The following FAM20A variants were observed in gnomAD, a reference collection of about 807,000 sequenced individuals.
FAM20A encodes the protein pseudokinase FAM20A.
In FAM20A, 42 loss-of-function variants were observed where a neutral mutation model predicts 52.0. That is an observed-to-expected ratio of 0.81 (90% CI 0.63 to 1.04). The LOEUF (loss-of-function observed/expected upper bound fraction) is 1.04, where lower values mean the gene tolerates loss of function less well. Ranked by LOEUF, FAM20A falls within the 50% of genes least tolerant of loss-of-function variation. The pLI is 0.00. For synonymous variants in FAM20A, 304 were observed against 298.9 expected (o/e 1.02, Z -0.18); for missense variants, 742 against 712.7 (o/e 1.04, Z -0.47).
At chr17:68,575,636 T>C (rs1187848410) in intron 1 of FAM20A, among the ~76,000 whole-genome samples, 29 of 111,650 alleles carry the variant, frequency 2.6e-4, no homozygotes, top group African/African-American at 9.9e-4. Flanking sequence ...AAATATAATA[T>C]AGAATATTAT....
intron 1 of FAM20A, chr17:68,557,602 C>T (rs976533776): frequency 6.6e-6 from 1 of 152,182 alleles, no homozygotes; most frequent in Non-Finnish European, 1.5e-5. Context: ...GTGAGAAATA[C>T]ATTTCTGTTG....
At chr17:68,573,163 G>A (rs1255397524) in intron 1 of FAM20A, among the ~76,000 whole-genome samples, 1 of 152,194 alleles carries the variant, frequency 6.6e-6, no homozygotes, top group East Asian at 1.9e-4. Context: ...ATCTAGAAAG[G>A]GGAAAGGGTG....
intron 1 of FAM20A, among the ~76,000 whole-genome samples, chr17:68,595,675 A>G (rs1379506551): frequency 6.6e-6 from 1 of 152,188 alleles, no homozygotes; most frequent in Non-Finnish European, 1.5e-5. Flanking sequence ...ACAAGGGGCC[A>G]AGGCCCTGTT....
rs2086119349 is a variant in FAM20A at position 68,537,211 on chromosome 17, A to G, written c.*266T>C. ...AGCCTGACCTATACCCAGATTTCCCAGTGCACTCAGGAGATCGTCGGTGGC... is the reference window on the plus strand; with the variant it reads ...AGCCTGACCTATACCCAGATTTCCCGGTGCACTCAGGAGATCGTCGGTGGC... On this transcript the variant is annotated 3_prime_UTR_variant, in exon 11 of 11. Coordinates refer to ENST00000592554, the MANE Select transcript of FAM20A (RefSeq NM_017565.4). The surrounding 1 kb of genome is among the most constrained non-coding windows in gnomAD (Gnocchi z 4.2). The G allele has an allele frequency of 1.6e-6, 1 of 621,794 alleles. No homozygotes were observed. Among genetic ancestry groups the G allele is most frequent in the Middle Eastern group, 4.2e-4 (1 of 2,356 alleles). The allele number at this position is 621,794 out of a possible 1,614,324, so 38.5% of individuals were successfully genotyped here. A position where few individuals can be genotyped will look rare whatever the true frequency, so the allele number is the denominator to read the frequency against.
At chr17:68,568,646 C>T (rs1394278661) in intron 1 of FAM20A, among the ~76,000 whole-genome samples, 1 of 151,680 alleles carries the variant, frequency 6.6e-6, no homozygotes, top group Non-Finnish European at 1.5e-5. Flanking sequence ...TTTCTCTTAG[C>T]TTATGGTGGT....
chr17:68,600,352 C>T lies in FAM20A; in HGVS notation c.315G>A (p.Glu105=), dbSNP rs751016523. 6.2e-7 allele frequency: 1 copy of T among 1,600,352 alleles called. No homozygotes were observed. Among genetic ancestry groups the T allele is most frequent in the Non-Finnish European group, 8.5e-7 (1 of 1,174,554 alleles). Residue 105 remains glutamate (E), a synonymous_variant, in exon 1 of 11, where the codon GAG becomes GAA. Coordinates refer to ENST00000592554, the MANE Select transcript of FAM20A (RefSeq NM_017565.4). The surrounding 1 kb of genome is among the most constrained non-coding windows in gnomAD (Gnocchi z 6.2). ...LFAHPLYNVP[E]EPPLLGAEDS... ...CCTCGGCTCCCAGGAGAGGCGGCTC[C>T]TCCGGGACGTTGTACAGCGGGTGGG...
rs970250679 is a variant in FAM20A, at chr17:68,541,116, C to T, written c.1110-158G>A. 2.1e-4 allele frequency: 214 copies of T among 1,034,566 alleles called. 1 individual carries two copies. Among genetic ancestry groups the T allele is most frequent in the Non-Finnish European group, 1.8e-4 (131 of 717,948 alleles). The allele number at this position is 1,034,566 out of a possible 1,614,324, so 64.1% of individuals were successfully genotyped here. A position where few individuals can be genotyped will look rare whatever the true frequency, so the allele number is the denominator to read the frequency against. On this transcript the variant is annotated intron_variant, in intron 7 of 10. Coordinates refer to ENST00000592554, the MANE Select transcript of FAM20A (RefSeq NM_017565.4). ...TTCAGAAAGGCCCTGGGCAAGGACG[C>T]GTAAGGCTGCATATTCCGTGTGGTG...
chr17:68,544,217 G>A (rs557963021), intron 4 of FAM20A, among the ~76,000 whole-genome samples: 2 of 147,810 alleles, frequency 1.4e-5, no homozygotes, highest in African/African-American at 2.5e-5. Context: ...CTGGGTCTTA[G>A]GGGGATGTGG....
intron 1 of FAM20A, among the ~76,000 whole-genome samples, chr17:68,561,591 C>CTTTTTTTTTT (rs5821662): frequency 7.8e-6 from 1 of 128,948 alleles, no homozygotes; most frequent in African/African-American, 2.8e-5. Context: ...TTTGATTGCT[C>CTTTTTTTTTT]TTTTTTTTTT....
chr17:68,536,504 G>A lies in FAM20A; in HGVS notation c.*973C>T, dbSNP rs1374564342. On this transcript the variant is annotated 3_prime_UTR_variant, in exon 11 of 11. Coordinates refer to ENST00000592554, the MANE Select transcript of FAM20A (RefSeq NM_017565.4). ...TAAGGGAGGCTTCAATAAAAAACCT[G>A]ACTTAGTCTTTTTTGAGCCAGCCGT... The A allele has an allele frequency of 2.2e-6, 1 of 454,106 alleles. No homozygotes were observed. Among genetic ancestry groups the A allele is most frequent in the East Asian group, 6.9e-5 (1 of 14,390 alleles). The allele number at this position is 454,106 out of a possible 1,614,324, so 28.1% of individuals were successfully genotyped here.
rs1342959500 is a variant in FAM20A at position 68,536,693 on chromosome 17, C to T, written c.*784G>A. The T allele has an allele frequency of 2.2e-6, 1 of 453,806 alleles. No homozygotes were observed. Among genetic ancestry groups the T allele is most frequent in the Admixed American group, 2.4e-5 (1 of 42,520 alleles). 28.1% of individuals were successfully genotyped at this position (453,806 alleles called of 1,614,324 possible). A position where few individuals can be genotyped will look rare whatever the true frequency, so the allele number is the denominator to read the frequency against. On this transcript the variant is annotated 3_prime_UTR_variant, in exon 11 of 11. Transcript: ENST00000592554. ...GCCTTACTCCAGGCTTGTGTCCCTG[C>T]TAGGCCTGTTCCCATGCCATCCTGA... is the stretch of plus-strand genomic sequence containing the variant.
intron 1 of FAM20A, among the ~76,000 whole-genome samples, chr17:68,571,060 T>G (rs1161557875): frequency 6.6e-6 from 1 of 152,144 alleles, no homozygotes; most frequent in Non-Finnish European, 1.5e-5. Flanking sequence ...CTGCAGAGGT[T>G]CATGAAGCTC....
rs1251069415 is a variant in FAM20A at position 68,535,671 on chromosome 17, T to A, written c.*1806A>T. 1 of 439,064 alleles carries A rather than the reference T, an allele frequency of 2.3e-6. No individual in the cohort carries two copies. Among genetic ancestry groups the A allele is most frequent in the African/African-American group, 2.1e-5 (1 of 48,440 alleles). 27.2% of individuals were successfully genotyped at this position (439,064 alleles called of 1,614,324 possible). ...TTAAAGAGTTGATTTAAAAAAAAAT[T>A]TTTTTTTTTTTGTATTTTTTTGTAG... On this transcript the variant is annotated 3_prime_UTR_variant, in exon 11 of 11. Coordinates refer to ENST00000592554, the MANE Select transcript of FAM20A (RefSeq NM_017565.4).
chr17:68,551,624 C>G (rs1269063065), intron 4 of FAM20A, among the ~76,000 whole-genome samples: 2 of 151,646 alleles, frequency 1.3e-5, no homozygotes, highest in Non-Finnish European at 2.9e-5. Flanking sequence ...AAGGACACAA[C>G]TTAGGTCATT....
intron 1 of FAM20A, among the ~76,000 whole-genome samples, chr17:68,573,749 G>T (rs113002934): frequency 0.058 from 8,727 of 151,350 alleles, 364 homozygotes; most frequent in East Asian, 0.13. Context: ...TGTGATCTTG[G>T]CTCACTGCAA....
chr17:68,598,915 T>G (rs1286106716), intron 1 of FAM20A, among the ~76,000 whole-genome samples: 2 of 152,202 alleles, frequency 1.3e-5, no homozygotes, highest in East Asian at 3.8e-4. Flanking sequence ...TTCCATGTTA[T>G]TGACGAAATA....
chr17:68,573,604 CTCT>C (rs1402777634), intron 1 of FAM20A, among the ~76,000 whole-genome samples: 2 of 147,218 alleles, frequency 1.4e-5, no homozygotes, highest in Non-Finnish European at 3.0e-5. Flanking sequence ...TTCTTTCTCT[CTCT>C]TTTCTTCCTT....
rs761392856 is a variant in FAM20A, at chr17:68,600,298, C to A, written c.369G>T (p.Leu123=). 1.9e-6 allele frequency: 3 copies of A among 1,579,902 alleles called. No homozygotes were observed. The highest frequency in any genetic ancestry group is 2.6e-6 in the Non-Finnish European group (3 of 1,163,286). The change falls in exon 1 of 11, where the codon CTG becomes CTT. Residue 123 remains leucine, a synonymous_variant. Coordinates refer to ENST00000592554, the MANE Select transcript of FAM20A (RefSeq NM_017565.4). The surrounding 1 kb of genome is among the most constrained non-coding windows in gnomAD (Gnocchi z 6.2). ...EDSLLASQEA[L]RYYRRKVARW... ...GGGCCACCTTCCTCCGGTAATACCG[C>A]AGCGCCTCCTGGCTGGCCAGGAGCG...
chr17:68,537,845 C>T lies in FAM20A; in HGVS notation c.1362-104G>A, dbSNP rs959151816. On this transcript the variant is annotated intron_variant, in intron 10 of 10. Transcript: ENST00000592554. This position sits in a 1 kb window ranked among gnomAD's most constrained non-coding sequence, Gnocchi z 4.2. Reference sequence around the variant, plus strand: ...GCTGTTGTAGCTGATACTCTTGGCGCCTCTCCTTGTGTCTTCTCAGGCACA... The same window carrying T: ...GCTGTTGTAGCTGATACTCTTGGCGTCTCTCCTTGTGTCTTCTCAGGCACA... 80 of 1,300,534 alleles carry T rather than the reference C, an allele frequency of 6.2e-5. No individual in the cohort carries two copies. The highest frequency in any genetic ancestry group is 6.6e-5 in the Non-Finnish European group (61 of 929,852). 80.6% of individuals were successfully genotyped at this position (1,300,534 alleles called of 1,614,324 possible). A position where few individuals can be genotyped will look rare whatever the true frequency, so the allele number is the denominator to read the frequency against.
Sources: allele counts gnomAD v4.1 joint callset (sites outside exome capture counted in the v4.1 genomes callset), GRCh38; gene constraint gnomAD v4.1.1; non-coding constraint Gnocchi (gnomAD v3.1); transcripts MANE v1.5; gene names NCBI Gene and HGNC (gene_info 2026-07-23, HGNC 2026-07-21).